SMIM1: variants seen among roughly 807,000 people sequenced by gnomAD.
SMIM1 encodes the protein small integral membrane protein 1 (Vel blood group).
Under a neutral mutation model 7.7 loss-of-function variants are expected in SMIM1, and 7 were observed. The observed-to-expected ratio is 0.91, with a 90% CI of 0.52 to 1.71. The LOEUF (loss-of-function observed/expected upper bound fraction) is 1.71. SMIM1 is among the 40% of genes most tolerant of loss of function. SMIM1 has a pLI of 0.00. For synonymous variants in SMIM1, 41 were observed against 42.7 expected, an observed-to-expected ratio of 0.96 and a Z score of 0.16; for missense variants, 95 against 102.8, an observed-to-expected ratio of 0.92 and a Z score of 0.33.
chr1:3,775,712 C>A lies in SMIM1; in HGVS notation c.111-83C>A. 6.7e-7 allele frequency: 1 copy of A among 1,491,034 alleles called. No homozygotes were observed. The highest frequency in any genetic ancestry group is 8.9e-7 in the Non-Finnish European group (1 of 1,122,036). 92.4% of individuals were successfully genotyped at this position (1,491,034 alleles called of 1,614,324 possible). ...GAGCGCCCAGGCCCCTCCCCCTGAC[C>A]CAGACCAACGGCCACAGTCCACTTA... On this transcript the variant is annotated intron_variant, in intron 3 of 3. Transcript: ENST00000642557. The surrounding 1 kb of genome is among the most constrained non-coding windows in gnomAD (Gnocchi z 5.3).
At position 3,775,417 on chromosome 1, in the gene SMIM1, A is replaced by G; in HGVS notation, c.44A>G (p.Asp15Gly). Residue 15 changes from aspartate (D) to glycine (G), a missense_variant, in exon 3 of 4, where the codon GAC becomes GGC. Transcript: ENST00000642557. This position sits in a 1 kb window ranked among gnomAD's most constrained non-coding sequence, Gnocchi z 5.3. ...CACGTCCACTATAGTAGGTGGGAGG[A>G]CGGCAGCAGGGACGGAGTCAGCCTA... ...ESHVHYSRWEDGSRDGVSLGA... is the reference protein window; with the variant it reads ...ESHVHYSRWEGGSRDGVSLGA... The G allele has an allele frequency of 6.5e-7, 1 of 1,549,902 alleles. No homozygotes were observed. The highest frequency in any genetic ancestry group is 8.7e-7 in the Non-Finnish European group (1 of 1,146,750).
chr1:3,775,563 C>T lies in SMIM1; in HGVS notation c.110+80C>T, dbSNP rs7537868. 16,921 of 1,350,106 alleles carry T rather than the reference C, an allele frequency of 0.013. 1,663 individuals carry two copies. In the African/African-American group the frequency reaches 0.21, roughly 17 times the overall value. The allele number at this position is 1,350,106 out of a possible 1,614,324, so 83.6% of individuals were successfully genotyped here. A position where few individuals can be genotyped will look rare whatever the true frequency, so the allele number is the denominator to read the frequency against. ...AGACGCCTGCCCTAACCCCTGCTAC[C>T]GGCCCCATCACCCTCCACCCCATCC... is the stretch of plus-strand genomic sequence containing the variant. On this transcript the variant is annotated intron_variant, in intron 3 of 3. Transcript: ENST00000642557. This position sits in a 1 kb window ranked among gnomAD's most constrained non-coding sequence, Gnocchi z 5.3.
rs540128361 is a variant in SMIM1 at position 3,775,554 on chromosome 1, C to T, written c.110+71C>T. 358 of 1,391,282 alleles carry T rather than the reference C, an allele frequency of 2.6e-4. No individual in the cohort carries two copies. In the African/African-American group the frequency reaches 4.1e-3, roughly 16 times the overall value. The allele number at this position is 1,391,282 out of a possible 1,614,324, so 86.2% of individuals were successfully genotyped here. A position where few individuals can be genotyped will look rare whatever the true frequency, so the allele number is the denominator to read the frequency against. ...TCCCTCCAGAGACGCCTGCCCTAAC[C>T]CCTGCTACCGGCCCCATCACCCTCC... is the stretch of plus-strand genomic sequence containing the variant. On this transcript the variant is annotated intron_variant, in intron 3 of 3. Coordinates refer to ENST00000642557, the MANE Select transcript of SMIM1 (RefSeq NM_001288583.2). The surrounding 1 kb of genome is among the most constrained non-coding windows in gnomAD (Gnocchi z 5.3).
At position 3,775,742 on chromosome 1, in the gene SMIM1, G is replaced by A. The variant is rs1420237139; in HGVS notation, c.111-53G>A. 4 of 1,527,708 alleles carry A rather than the reference G, an allele frequency of 2.6e-6. No individual in the cohort carries two copies. Among genetic ancestry groups the A allele is most frequent in the South Asian group, 1.2e-5 (1 of 82,072 alleles). 94.6% of individuals were successfully genotyped at this position (1,527,708 alleles called of 1,614,324 possible). On this transcript the variant is annotated intron_variant, in intron 3 of 3. Coordinates refer to ENST00000642557, the MANE Select transcript of SMIM1 (RefSeq NM_001288583.2). The surrounding 1 kb of genome is among the most constrained non-coding windows in gnomAD (Gnocchi z 5.3). Reference sequence around the variant, plus strand: ...CCAACGGCCACAGTCCACTTAGGGGGCCCCTCATGCGGCCCTGGCCTGGGG... The same window carrying A: ...CCAACGGCCACAGTCCACTTAGGGGACCCCTCATGCGGCCCTGGCCTGGGG...
intron 2 of SMIM1, among the ~76,000 whole-genome samples, chr1:3,774,477 C>T (rs1456641315): frequency 2.6e-5 from 4 of 152,208 alleles, no homozygotes; most frequent in Non-Finnish European, 5.9e-5. Flanking sequence ...GCTCAGTCCC[C>T]GTGGTCTCCT....
At chr1:3,774,258 G>C (rs887523061) in intron 2 of SMIM1, among the ~76,000 whole-genome samples, 1 of 152,096 alleles carries the variant, frequency 6.6e-6, no homozygotes, top group Non-Finnish European at 1.5e-5. Context: ...TGCTGAGAGG[G>C]GACACTGGGG....
rs1169340827 is a variant in SMIM1 at position 3,775,411 on chromosome 1, G to T, written c.38G>T (p.Trp13Leu). 6.4e-7 allele frequency: 1 copy of T among 1,550,650 alleles called. No homozygotes were observed. Among genetic ancestry groups the T allele is most frequent in the South Asian group, 1.2e-5 (1 of 84,014 alleles). ...GAGAGCCACGTCCACTATAGTAGGT[G>T]GGAGGACGGCAGCAGGGACGGAGTC... ...PQESHVHYSR[W>L]EDGSRDGVSL... Residue 13 changes from tryptophan to leucine, a missense_variant, in exon 3 of 4, where the codon TGG (tryptophan) becomes TTG (leucine). Trp to Leu is a moderately conservative substitution (Grantham distance 61, BLOSUM62 -2). Transcript: ENST00000642557. The surrounding 1 kb of genome is among the most constrained non-coding windows in gnomAD (Gnocchi z 5.3).
At position 3,775,677 on chromosome 1, in the gene SMIM1, G is replaced by A. The variant is rs71634364; in HGVS notation, c.111-118G>A. 0.092 allele frequency: 129,241 copies of A among 1,410,770 alleles called. 6,403 individuals are homozygous for A. Among genetic ancestry groups the A allele is most frequent in the African/African-American group, 0.13 (9,031 of 69,480 alleles). The allele number at this position is 1,410,770 out of a possible 1,614,324, so 87.4% of individuals were successfully genotyped here. A position where few individuals can be genotyped will look rare whatever the true frequency, so the allele number is the denominator to read the frequency against. ...CTGTGGGCGGGGAGAGCTTCCTCTT[G>A]ACTCCAGCAGAGCGCCCAGGCCCCT... On this transcript the variant is annotated intron_variant, in intron 3 of 3. Coordinates refer to ENST00000642557, the MANE Select transcript of SMIM1 (RefSeq NM_001288583.2). This position sits in a 1 kb window ranked among gnomAD's most constrained non-coding sequence, Gnocchi z 5.3.
At chr1:3,773,921 G>A (rs1420129017) in intron 2 of SMIM1, among the ~76,000 whole-genome samples, 1 of 152,246 alleles carries the variant, frequency 6.6e-6, no homozygotes, top group Non-Finnish European at 1.5e-5. Flanking sequence ...AGTAGAGGCT[G>A]GGCCTCTCCG....
In SMIM1 at chr1:3,775,054, C is replaced by T. The variant is rs533281408; in HGVS notation, c.-75-245C>T. The stretch of plus-strand genomic sequence containing the variant: ...GGGGAAGGGAGGCTCCTGGAGTGTG[C>T]TGGAAGGAAACACTGGCCTCCCACA... On this transcript the variant is annotated intron_variant, in intron 2 of 3. Coordinates refer to ENST00000642557, the MANE Select transcript of SMIM1 (RefSeq NM_001288583.2). The surrounding 1 kb of genome is among the most constrained non-coding windows in gnomAD (Gnocchi z 5.3). 4.6e-5 allele frequency among the ~76,000 whole-genome samples: 7 copies of T among 152,268 alleles called. No homozygotes were observed. Among genetic ancestry groups the T allele is most frequent in the African/African-American group, 1.4e-4 (6 of 41,554 alleles).
At chr1:3,773,544 T>G (rs892850941) in intron 2 of SMIM1, among the ~76,000 whole-genome samples, 1 of 152,044 alleles carries the variant, frequency 6.6e-6, no homozygotes, top group African/African-American at 2.4e-5. Flanking sequence ...GCTGCTGCTG[T>G]GGACTTGGAG....
chr1:3,773,207 TGG>T (rs1353547656), intron 2 of SMIM1, 26 bp downstream of exon 2: 12 of 152,210 alleles, frequency 7.9e-5, no homozygotes, highest in African/African-American at 2.9e-4. Context: ...TGAGGCGCTG[TGG>T]GGTGAAGAGG....
chr1:3,772,888 G>A (rs1435850004), intron 1 of SMIM1, 100 bp downstream of exon 1: 1 of 152,408 alleles, frequency 6.6e-6, no homozygotes, highest in Non-Finnish European at 1.5e-5. Flanking sequence ...CGGGGGTGGG[G>A]GCGTGCCCTG....
chr1:3,774,489 G>A (rs928544855), intron 2 of SMIM1, among the ~76,000 whole-genome samples: 3 of 152,166 alleles, frequency 2.0e-5, no homozygotes, highest in Non-Finnish European at 1.5e-5. Context: ...TGGTCTCCTC[G>A]CCCCTCTGGG....
Position 3,775,704 on chromosome 1 carries a change from C to T in SMIM1, c.111-91C>T. ...CTCCAGCAGAGCGCCCAGGCCCCTC[C>T]CCCTGACCCAGACCAACGGCCACAG... On this transcript the variant is annotated intron_variant, in intron 3 of 3. Coordinates refer to ENST00000642557, the MANE Select transcript of SMIM1 (RefSeq NM_001288583.2). This position sits in a 1 kb window ranked among gnomAD's most constrained non-coding sequence, Gnocchi z 5.3. The T allele has an allele frequency of 6.8e-7, 1 of 1,472,872 alleles. No individual in the cohort carries two copies. 91.2% of individuals were successfully genotyped at this position (1,472,872 alleles called of 1,614,324 possible).
In SMIM1 at chr1:3,775,579, C is replaced by T. The variant is rs1434969181; in HGVS notation, c.110+96C>T. On this transcript the variant is annotated intron_variant, in intron 3 of 3. Coordinates refer to ENST00000642557, the MANE Select transcript of SMIM1 (RefSeq NM_001288583.2). This position sits in a 1 kb window ranked among gnomAD's most constrained non-coding sequence, Gnocchi z 5.3. Reference sequence around the variant, plus strand: ...CCCTGCTACCGGCCCCATCACCCTCCACCCCATCCTGGCTGGGAGCCCACG... The same window carrying T: ...CCCTGCTACCGGCCCCATCACCCTCTACCCCATCCTGGCTGGGAGCCCACG... 1.5e-6 allele frequency: 2 copies of T among 1,301,044 alleles called. No individual in the cohort carries two copies. Among genetic ancestry groups the T allele is most frequent in the African/African-American group, 1.5e-5 (1 of 67,426 alleles). The allele number at this position is 1,301,044 out of a possible 1,614,324, so 80.6% of individuals were successfully genotyped here. A position where few individuals can be genotyped will look rare whatever the true frequency, so the allele number is the denominator to read the frequency against.
In SMIM1 at chr1:3,775,887, A is replaced by G; in HGVS notation, c.203A>G (p.Tyr68Cys). 6.4e-7 allele frequency: 1 copy of G among 1,550,672 alleles called. No homozygotes were observed. The change falls in exon 4 of 4, where the codon TAC (tyrosine) becomes TGC (cysteine). Residue 68 changes from tyrosine to cysteine, a missense_variant. Transcript: ENST00000642557. This position sits in a 1 kb window ranked among gnomAD's most constrained non-coding sequence, Gnocchi z 5.3. ...TTCTGGATCATCTTCATCCTGGGCT[A>G]CCTCACAGGCTACTATGTGCACAAG... ...ALFWIIFILGYLTGYYVHKCK is the reference protein window; with the variant it reads ...ALFWIIFILGCLTGYYVHKCK
chr1:3,774,327 C>T (rs1446730324), intron 2 of SMIM1, among the ~76,000 whole-genome samples: 2 of 152,114 alleles, frequency 1.3e-5, no homozygotes, highest in Non-Finnish European at 1.5e-5. Flanking sequence ...GTCAACTTCT[C>T]GTGCCCCCTC....
In SMIM1 at chr1:3,774,065, T is replaced by TGGGGCCTGAGTTTCTGAGCTGGCTTCTC. The variant is rs563600475; in HGVS notation, c.-76+911_-76+912insCGGGGCCTGAGTTTCTGAGCTGGCTTCT. 4.4e-3 allele frequency among the ~76,000 whole-genome samples: 665 copies of TGGGGCCTGAGTTTCTGAGCTGGCTTCTC among 152,294 alleles called. 1 individual carries two copies. The highest frequency in any genetic ancestry group is 0.015 in the African/African-American group (637 of 41,568). On this transcript the variant is annotated intron_variant, in intron 2 of 3. Coordinates refer to ENST00000642557, the MANE Select transcript of SMIM1 (RefSeq NM_001288583.2). ...AAGTGCCGGGAGTCTCAGAACTGCC[T>TGGGGCCTGAGTTTCTGAGCTGGCTTCTC]GGGGCCTGAGTTTCTGAGCTGGCTT... is the stretch of plus-strand genomic sequence containing the variant.
Sources: allele counts gnomAD v4.1 joint callset (sites outside exome capture counted in the v4.1 genomes callset), GRCh38; gene constraint gnomAD v4.1.1; non-coding constraint Gnocchi (gnomAD v3.1); transcripts MANE v1.5; gene names NCBI Gene and HGNC (gene_info 2026-07-23, HGNC 2026-07-21).